Variants in WWOX observed in about 807,000 individuals in gnomAD.
WWOX encodes the protein WW domain containing oxidoreductase.
WWOX carries 69 observed loss-of-function variants against 46.2 expected under a neutral mutation model. The ratio of observed to expected loss-of-function variants is 1.49; its 90% CI spans 1.23 to 1.82. The LOEUF is 1.82. Ranked by LOEUF, WWOX falls within the 40% of genes most tolerant of loss-of-function variation. The pLI is 0.00. For synonymous variants in WWOX, 359 were observed against 202.6 expected (o/e 1.77, Z -6.56); for missense variants, 919 against 542.6 (o/e 1.69, Z -6.89).
At chr16:78,875,186 G>A (rs1358345043) in intron 8 of WWOX, among the ~76,000 whole-genome samples, 3 of 152,116 alleles carry the variant, frequency 2.0e-5, no homozygotes, top group Non-Finnish European at 4.4e-5. Context: ...AGATTAAGCC[G>A]CTGAAACCTT....
intron 5 of WWOX, among the ~76,000 whole-genome samples, chr16:78,357,048 G>A (rs931110871): frequency 2.0e-5 from 3 of 152,132 alleles, no homozygotes; most frequent in Non-Finnish European, 4.4e-5. Context: ...CAAGATACAG[G>A]GATGGATTTC....
At chr16:79,063,009 G>T (rs149928243) in intron 8 of WWOX, among the ~76,000 whole-genome samples, 1 of 152,308 alleles carries the variant, frequency 6.6e-6, no homozygotes, top group Non-Finnish European at 1.5e-5. Flanking sequence ...CAGGATTTTG[G>T]CAGGTACCCT....
intron 8 of WWOX, among the ~76,000 whole-genome samples, chr16:78,786,048 A>C (rs1597607025): frequency 6.6e-6 from 1 of 152,150 alleles, no homozygotes; most frequent in African/African-American, 2.4e-5. Flanking sequence ...CTGGGAATAC[A>C]GGCACCCACC....
At chr16:78,960,199 A>G (rs970521223) in intron 8 of WWOX, among the ~76,000 whole-genome samples, 12 of 152,310 alleles carry the variant, frequency 7.9e-5, no homozygotes, top group African/African-American at 2.9e-4. Flanking sequence ...ATAGTACCTG[A>G]CTTGTAATGT....
intron 8 of WWOX, among the ~76,000 whole-genome samples, chr16:78,457,326 C>G (rs2083843442): frequency 6.6e-6 from 1 of 152,170 alleles, no homozygotes; most frequent in African/African-American, 2.4e-5. Flanking sequence ...TCATTCAGTT[C>G]AGATTTGCTA....
chr16:78,963,892 G>A lies in WWOX; in HGVS notation c.1057-247716G>A, dbSNP rs1004473450. ...GAGAGGTAATTGAATCATGGGGGCT[G>A]GTGTTTCCCATGTTATTCTTATGAA... On this transcript the variant is annotated intron_variant, in intron 8 of 8. Transcript: ENST00000566780. Among the ~76,000 whole-genome samples, 5 of 152,076 alleles carry A rather than the reference G, an allele frequency of 3.3e-5. No individual in the cohort carries two copies. The East Asian group carries it at 9.7e-4, about 29-fold the overall frequency.
At position 78,309,434 on chromosome 16, in the gene WWOX, G is replaced by A. The variant is rs150333028; in HGVS notation, c.517-77426G>A. On this transcript the variant is annotated intron_variant, in intron 5 of 8. Coordinates refer to ENST00000566780, the MANE Select transcript of WWOX (RefSeq NM_016373.4). ...GTTTCAGGCAGTTCTTGGTAGCAAT[G>A]TGAGAATGGGCTAATATACCACGTA... 4.9e-3 allele frequency among the ~76,000 whole-genome samples: 750 copies of A among 152,246 alleles called. 4 individuals carry two copies. Among genetic ancestry groups the A allele is most frequent in the Middle Eastern group, 0.02 (6 of 294 alleles).
chr16:78,831,521 G>T (rs981405703), intron 8 of WWOX, among the ~76,000 whole-genome samples: 1 of 152,136 alleles, frequency 6.6e-6, no homozygotes, highest in Non-Finnish European at 1.5e-5. Flanking sequence ...GGAGACCCCG[G>T]TGCCCATGCC....
At chr16:78,733,744 G>C (rs905207310) in intron 8 of WWOX, among the ~76,000 whole-genome samples, 5 of 151,990 alleles carry the variant, frequency 3.3e-5, no homozygotes, top group African/African-American at 1.2e-4. Flanking sequence ...GACAGAGTGA[G>C]AATCCGTCTC....
chr16:78,496,933 C>G (rs2084932461), intron 8 of WWOX, among the ~76,000 whole-genome samples: 1 of 152,200 alleles, frequency 6.6e-6, no homozygotes, highest in African/African-American at 2.4e-5. Context: ...TTCCCGCCCT[C>G]TCAAGCCATC....
intron 6 of WWOX, among the ~76,000 whole-genome samples, chr16:78,423,950 C>G (rs1043878143): frequency 5.3e-5 from 8 of 151,776 alleles, no homozygotes; most frequent in Non-Finnish European, 8.8e-5. Flanking sequence ...TTAATCTGAT[C>G]TCTATAAGAA....
chr16:79,020,281 C>T (rs530245532), intron 8 of WWOX, among the ~76,000 whole-genome samples: 3 of 152,268 alleles, frequency 2.0e-5, no homozygotes, highest in African/African-American at 7.2e-5. Flanking sequence ...CTGGGGCAGT[C>T]ATGGAAGACT....
chr16:79,070,426 G>C (rs1257768425), intron 8 of WWOX, among the ~76,000 whole-genome samples: 2 of 152,164 alleles, frequency 1.3e-5, no homozygotes, highest in Non-Finnish European at 2.9e-5. Context: ...TGACGTATCA[G>C]TCCAGATGCC....
intron 5 of WWOX, among the ~76,000 whole-genome samples, chr16:78,239,575 T>C (rs1019985009): frequency 4.6e-5 from 7 of 152,078 alleles, no homozygotes; most frequent in African/African-American, 1.7e-4. Context: ...CGCTTTGTCA[T>C]ACAGGCTGGA....
chr16:78,508,524 C>T (rs1479651830), intron 8 of WWOX, among the ~76,000 whole-genome samples: 1 of 152,066 alleles, frequency 6.6e-6, no homozygotes, highest in Non-Finnish European at 1.5e-5. Context: ...GCCTTGATGT[C>T]GGAGTGTTCT....
chr16:79,076,530 T>C (rs1157109605), intron 8 of WWOX, among the ~76,000 whole-genome samples: 2 of 152,342 alleles, frequency 1.3e-5, no homozygotes, highest in African/African-American at 4.8e-5. Context: ...CCCGCTGTCC[T>C]AGAACCATCT....
At chr16:78,828,976 A>C (rs2051737222) in intron 8 of WWOX, among the ~76,000 whole-genome samples, 1 of 152,200 alleles carries the variant, frequency 6.6e-6, no homozygotes, top group Non-Finnish European at 1.5e-5. Flanking sequence ...CACAGCCATG[A>C]ATGGCAAAGC....
chr16:78,832,420 T>G (rs2051855590), intron 8 of WWOX, among the ~76,000 whole-genome samples: 2 of 152,134 alleles, frequency 1.3e-5, no homozygotes, highest in Non-Finnish European at 2.9e-5. Context: ...ATTCTATTGA[T>G]TAGAAGAATA....
At chr16:78,185,727 C>T (rs568062239) in intron 5 of WWOX, among the ~76,000 whole-genome samples, 8 of 152,208 alleles carry the variant, frequency 5.3e-5, no homozygotes, top group African/African-American at 1.4e-4. Context: ...AGTACAGTGG[C>T]GTGATCTCAG....
Sources: gnomAD v4.1 joint callset for allele counts (sites outside exome capture counted in the v4.1 genomes callset) on GRCh38, gnomAD v4.1.1 for gene constraint, MANE v1.5 for transcripts, NCBI Gene and HGNC (gene_info 2026-07-23, HGNC 2026-07-21) for gene names.